FLI1: variants seen among roughly 807,000 people sequenced by gnomAD.
FLI1 encodes the protein Friend leukemia integration 1 transcription factor.
A neutral mutation model predicts 53.1 loss-of-function variants in FLI1; 13 were observed. The observed-to-expected ratio is 0.24, with a 90% CI of 0.16 to 0.39. The LOEUF is 0.39. FLI1 is among the 10% of genes least tolerant of loss of function. The pLI is 1.00. For synonymous variants in FLI1, 244 were observed against 236.7 expected, an observed-to-expected ratio of 1.03 and a Z score of -0.28; for missense variants, 424 against 600.5, an observed-to-expected ratio of 0.71 and a Z score of 3.07.
intron 1 of FLI1, among the ~76,000 whole-genome samples, chr11:128,699,907 A>G (rs1938251831): frequency 6.6e-6 from 1 of 152,168 alleles, no homozygotes; most frequent in Admixed American, 6.5e-5. Flanking sequence ...GGCATCATAA[A>G]CTGACCAACC....
intron 4 of FLI1, among the ~76,000 whole-genome samples, chr11:128,773,873 G>A (rs765967407): frequency 3.3e-5 from 5 of 152,014 alleles, no homozygotes; most frequent in African/African-American, 4.8e-5. Context: ...CTCACACTAC[G>A]TAAGAGCATT....
intron 1 of FLI1, among the ~76,000 whole-genome samples, chr11:128,745,304 T>C (rs920798664): frequency 1.3e-5 from 2 of 151,642 alleles, no homozygotes; most frequent in African/African-American, 2.4e-5. Context: ...CAGAATGAAA[T>C]AGAGCACAGG....
chr11:128,698,629 C>A (rs533086880), intron 1 of FLI1, among the ~76,000 whole-genome samples: 27 of 152,102 alleles, frequency 1.8e-4, no homozygotes, highest in African/African-American at 6.5e-4. Flanking sequence ...GTGTTCTTTC[C>A]ACTATACCAT....
intron 1 of FLI1, among the ~76,000 whole-genome samples, chr11:128,730,589 A>G (rs1939655686): frequency 6.6e-6 from 1 of 152,246 alleles, no homozygotes; most frequent in Non-Finnish European, 1.5e-5. Flanking sequence ...CCCTTTGAGA[A>G]CAAAGGTGGT....
intron 5 of FLI1, among the ~76,000 whole-genome samples, chr11:128,793,644 G>A (rs1424422805): frequency 6.6e-6 from 1 of 152,192 alleles, no homozygotes; most frequent in African/African-American, 2.4e-5. Flanking sequence ...TGCCCTTTCT[G>A]CCTTCCCTGG....
At chr11:128,762,228 T>A (rs1325360654) in intron 2 of FLI1, among the ~76,000 whole-genome samples, 2 of 152,256 alleles carry the variant, frequency 1.3e-5, no homozygotes, top group South Asian at 2.1e-4. Context: ...TTATTGATAA[T>A]GACAGTTCGT....
intron 5 of FLI1, among the ~76,000 whole-genome samples, chr11:128,792,768 A>AGATTTAGG (rs1456965779): frequency 6.6e-6 from 1 of 152,212 alleles, no homozygotes; most frequent in Non-Finnish European, 1.5e-5. Flanking sequence ...AGAGATTTAG[A>AGATTTAGG]AAACAAAGTA....
At chr11:128,796,322 C>T (rs1357119590) in intron 5 of FLI1, among the ~76,000 whole-genome samples, 2 of 152,152 alleles carry the variant, frequency 1.3e-5, no homozygotes, top group African/African-American at 4.8e-5. Context: ...GCCTTTTGGG[C>T]CTGTCTGCAA....
At chr11:128,777,701 C>T (rs995903096) in intron 4 of FLI1, among the ~76,000 whole-genome samples, 2 of 152,258 alleles carry the variant, frequency 1.3e-5, no homozygotes, top group African/African-American at 4.8e-5. Context: ...CCTGCACACT[C>T]AGCCAGAGCT....
chr11:128,739,591 T>G (rs1373649331), intron 1 of FLI1, among the ~76,000 whole-genome samples: 12 of 151,914 alleles, frequency 7.9e-5, no homozygotes, highest in Admixed American at 7.2e-4. Context: ...AGTGGGACAG[T>G]GGGAGGGAGG....
intron 1 of FLI1, among the ~76,000 whole-genome samples, chr11:128,725,647 CCT>C (rs1491010459): frequency 2.4e-4 from 9 of 37,986 alleles, no homozygotes; most frequent in Admixed American, 6.3e-4. Context: ...ATTCTCTCTC[CCT>C]CTCTCTCTCT....
At chr11:128,740,152 G>A (rs563637601) in intron 1 of FLI1, among the ~76,000 whole-genome samples, 5 of 152,322 alleles carry the variant, frequency 3.3e-5, no homozygotes, top group African/African-American at 1.2e-4. Flanking sequence ...TGGAAGAGAA[G>A]CTACCTAGTG....
At chr11:128,739,839 G>T (rs986323429) in intron 1 of FLI1, among the ~76,000 whole-genome samples, 1 of 152,160 alleles carries the variant, frequency 6.6e-6, no homozygotes, top group Non-Finnish European at 1.5e-5. Flanking sequence ...AAAGGAGTGT[G>T]GGGGCCTGGG....
exon 1 of FLI1, chr11:128,686,615 T>C (rs1565447143): frequency 2.6e-6 from 1 of 390,732 alleles, no homozygotes; most frequent in Non-Finnish European, 5.2e-6. Context: ...CCGAGGCTTC[T>C]CCCTCCCAGG....
intron 1 of FLI1, chr11:128,686,784 C>G (rs541708412): frequency 7.3e-6 from 2 of 273,528 alleles, no homozygotes; most frequent in Non-Finnish European, 1.5e-5. Context: ...TCCCTTTCCC[C>G]GGGAAAAAGG....
chr11:128,802,984 G>A (rs1298849643), intron 5 of FLI1, among the ~76,000 whole-genome samples: 1 of 152,156 alleles, frequency 6.6e-6, no homozygotes, highest in Non-Finnish European at 1.5e-5. Flanking sequence ...AATTCTGAGT[G>A]GTTACCAGAT....
chr11:128,716,845 C>T (rs1276781611), intron 1 of FLI1, among the ~76,000 whole-genome samples: 2 of 152,136 alleles, frequency 1.3e-5, no homozygotes, highest in African/African-American at 4.8e-5. Flanking sequence ...CTAAATTGGG[C>T]AGGATCTTGA....
intron 1 of FLI1, chr11:128,686,784 C>T (rs541708412): frequency 1.1e-5 from 3 of 273,646 alleles, no homozygotes; most frequent in East Asian, 9.8e-5. Context: ...TCCCTTTCCC[C>T]GGGAAAAAGG....
intron 5 of FLI1, among the ~76,000 whole-genome samples, chr11:128,784,268 C>CTGCTGCTG (rs1555122624): frequency 5.7e-4 from 74 of 130,284 alleles, no homozygotes; most frequent in South Asian, 3.8e-3. Context: ...TCCTCCTCCT[C>CTGCTGCTG]CTGCTGTCTT....
Sources: allele counts gnomAD v4.1 joint callset (sites outside exome capture counted in the v4.1 genomes callset), GRCh38; gene constraint gnomAD v4.1.1; transcripts MANE v1.5; gene names NCBI Gene and HGNC (gene_info 2026-07-23, HGNC 2026-07-21).